Variants in PITPNM2 observed in about 807,000 individuals in gnomAD.
PITPNM2 encodes membrane-associated phosphatidylinositol transfer protein 2.
PITPNM2 carries 35 observed loss-of-function variants against 132.2 expected under a neutral mutation model. The ratio of observed to expected loss-of-function variants is 0.26; its 90% confidence interval spans 0.20 to 0.35. PITPNM2 has a LOEUF of 0.35. Ranked by LOEUF, PITPNM2 falls within the 10% of genes least tolerant of loss-of-function variation. The pLI, the probability that PITPNM2 is intolerant of heterozygous loss-of-function variation, is 1.00. For synonymous variants in PITPNM2, 738 were observed against 799.2 expected, an observed-to-expected ratio of 0.92 and a Z score of 1.29; for missense variants, 1,332 against 1,912.0, an observed-to-expected ratio of 0.70 and a Z score of 5.66.
In PITPNM2 at chr12:123,106,718, G is replaced by A. The variant is rs888478996; in HGVS notation, c.-96+3667C>T. The stretch of plus-strand genomic sequence containing the variant: ...ATCTCTACCAAGCTCTGTGGGGACA[G>A]CAAAGGAGCTGAGGAGGAGCTCTCT... On this transcript the variant is annotated intron_variant, in intron 2 of 25. Transcript: ENST00000320201. This position sits in a 1 kb window ranked among gnomAD's most constrained non-coding sequence, Gnocchi z 4.4. 2.6e-5 allele frequency among the ~76,000 whole-genome samples: 4 copies of A among 152,216 alleles called. No individual in the cohort carries two copies. The highest frequency in any genetic ancestry group is 9.6e-5 in the African/African-American group (4 of 41,458).
intron 2 of PITPNM2, among the ~76,000 whole-genome samples, chr12:123,040,759 TA>T (rs1431653094): frequency 2.0e-5 from 3 of 152,270 alleles, no homozygotes; most frequent in East Asian, 1.9e-4. Flanking sequence ...GATACTTTTT[TA>T]AAAAAAGATC....
At chr12:123,114,760 T>G (rs2042903605) in intron 1 of PITPNM2, among the ~76,000 whole-genome samples, 1 of 152,160 alleles carries the variant, frequency 6.6e-6, no homozygotes, top group Admixed American at 6.5e-5. Context: ...ATAGAATGGC[T>G]GAAGAGTCGA....
chr12:123,112,879 G>A (rs2042868648), intron 1 of PITPNM2, among the ~76,000 whole-genome samples: 1 of 152,098 alleles, frequency 6.6e-6, no homozygotes, highest in Non-Finnish European at 1.5e-5. Flanking sequence ...GAAAACTGCA[G>A]GGGAAAGAAA....
chr12:123,004,479 G>A lies in PITPNM2; in HGVS notation c.963C>T (p.Ser321=), dbSNP rs772942056. The A allele has an allele frequency of 3.7e-6, 6 of 1,613,650 alleles. No homozygotes were observed. Among genetic ancestry groups the A allele is most frequent in the Admixed American group, 1.7e-5 (1 of 59,998 alleles). The change falls in exon 8 of 26, where the codon TCC becomes TCT. Residue 321 remains serine, a synonymous_variant. Coordinates refer to ENST00000320201, the MANE Select transcript of PITPNM2 (RefSeq NM_020845.3). This position sits in a 1 kb window ranked among gnomAD's most constrained non-coding sequence, Gnocchi z 4.9. The part of the protein sequence containing the change: ...SRSSKRGASP[S]RHSISEWRMQ... ...TCCTCCACTCTGAGATGCTGTGGCG[G>A]GAAGGACTCGCTGGAAGGCAAAACC... is the stretch of plus-strand genomic sequence containing the variant.
chr12:123,017,272 C>G (rs111341493), intron 3 of PITPNM2, among the ~76,000 whole-genome samples: 1 of 149,536 alleles, frequency 6.7e-6, no homozygotes, highest in Non-Finnish European at 1.5e-5. Context: ...ATTTGGGAGG[C>G]TGAGGCAGGA....
Position 123,031,556 on chromosome 12 carries a change from C to T in PITPNM2, c.78+2957G>A, listed in dbSNP as rs933527724. On this transcript the variant is annotated intron_variant, in intron 3 of 25. Transcript: ENST00000320201. The surrounding 1 kb of genome is among the most constrained non-coding windows in gnomAD (Gnocchi z 4.5). ...GTCCTCAGGCCGGAGACAGCACACA[C>T]CAAGAACACAGAGGACACAGGTGCA... 6.6e-6 allele frequency among the ~76,000 whole-genome samples: 1 copy of T among 152,180 alleles called. No homozygotes were observed. The highest frequency in any genetic ancestry group is 1.9e-4 in the East Asian group (1 of 5,188).
rs1013382720 is a variant in PITPNM2 at position 123,079,572 on chromosome 12, C to T, written c.-96+30813G>A. 2.0e-5 allele frequency among the ~76,000 whole-genome samples: 3 copies of T among 152,060 alleles called. No homozygotes were observed. The South Asian group carries it at 6.2e-4, about 32-fold the overall frequency. ...ATGTTGGCCAGGCTGGTCTTGAACT[C>T]CTGACCTCAGGTGATCCACCCATCT... On this transcript the variant is annotated intron_variant, in intron 2 of 25. Transcript: ENST00000320201.
chr12:123,105,398 A>T (rs1051619110), intron 2 of PITPNM2: 8 of 152,208 alleles, frequency 5.3e-5, no homozygotes, highest in Admixed American at 5.2e-4. Flanking sequence ...CTGAGGGGTC[A>T]ATCGTGCTGC....
intron 2 of PITPNM2, among the ~76,000 whole-genome samples, chr12:123,105,983 G>C (rs967619760): frequency 6.6e-6 from 1 of 152,118 alleles, no homozygotes; most frequent in African/African-American, 2.4e-5. Context: ...TCCTGGCCCT[G>C]CCTGTCCTGA....
intron 3 of PITPNM2, chr12:123,034,241 G>C (rs2040194730): frequency 2.1e-6 from 1 of 466,230 alleles, no homozygotes; most frequent in Non-Finnish European, 3.8e-6. Context: ...GGGCCAGGGA[G>C]ATAATGGTGC....
intron 1 of PITPNM2, among the ~76,000 whole-genome samples, chr12:123,143,416 C>A (rs1374107083): frequency 6.6e-6 from 1 of 152,186 alleles, no homozygotes; most frequent in Non-Finnish European, 1.5e-5. Context: ...CAGGAGCCAC[C>A]TCTCAAAAGG....
intron 1 of PITPNM2, among the ~76,000 whole-genome samples, chr12:123,131,603 G>C (rs967202046): frequency 6.6e-6 from 1 of 152,230 alleles, no homozygotes; most frequent in Non-Finnish European, 1.5e-5. Flanking sequence ...CCAGGAGGCA[G>C]AGGGAGAGTC....
In PITPNM2 at chr12:123,064,834, G is replaced by A. The variant is rs933836231; in HGVS notation, c.-95-30149C>T. ...GTGACTAGCTCTGGGGCCAGACCAC[G>A]TTCACATTCAAGCCTTGTCTTTGAG... On this transcript the variant is annotated intron_variant, in intron 2 of 25. Transcript: ENST00000320201. This position sits in a 1 kb window ranked among gnomAD's most constrained non-coding sequence, Gnocchi z 4.0. Among the ~76,000 whole-genome samples the A allele has an allele frequency of 6.6e-6, 1 of 152,216 alleles. No individual in the cohort carries two copies. The highest frequency in any genetic ancestry group is 2.4e-5 in the African/African-American group (1 of 41,464).
chr12:122,988,154 C>A, intron 20 of PITPNM2, 80 bp downstream of exon 20: 1 of 1,268,092 alleles, frequency 7.9e-7, no homozygotes. Context: ...GGCTTCCCTG[C>A]AACTCAGTTT....
rs775633731 is a variant in PITPNM2, at chr12:123,004,855, G to A, written c.953-366C>T. On this transcript the variant is annotated intron_variant, in intron 7 of 25. Coordinates refer to ENST00000320201, the MANE Select transcript of PITPNM2 (RefSeq NM_020845.3). This position sits in a 1 kb window ranked among gnomAD's most constrained non-coding sequence, Gnocchi z 4.9. ...CCACAGCAGGGCCCAGGCGGGAGATGAGTGAGCCAGGCCTGCCTGCTGGAG... is the reference window on the plus strand; with the variant it reads ...CCACAGCAGGGCCCAGGCGGGAGATAAGTGAGCCAGGCCTGCCTGCTGGAG... 3.3e-5 allele frequency among the ~76,000 whole-genome samples: 5 copies of A among 151,970 alleles called. No homozygotes were observed. The highest frequency in any genetic ancestry group is 7.4e-5 in the Non-Finnish European group (5 of 67,950).
At chr12:123,124,656 G>A (rs1008826254) in intron 1 of PITPNM2, among the ~76,000 whole-genome samples, 6 of 152,094 alleles carry the variant, frequency 3.9e-5, no homozygotes, top group Admixed American at 3.9e-4. Flanking sequence ...GTGCCATGTT[G>A]GTGTGCTACA....
chr12:123,136,480 G>C (rs1434976005), intron 1 of PITPNM2, among the ~76,000 whole-genome samples: 2 of 151,980 alleles, frequency 1.3e-5, no homozygotes, highest in Non-Finnish European at 2.9e-5. Context: ...ATGTAATCTA[G>C]AACACAGCTC....
chr12:122,994,701 G>T lies in PITPNM2; in HGVS notation c.2233+100C>A. ...AAGACAGGAAGGAGGGCAGAAACAG[G>T]CCTGGGACGTGGCCATGATCTCATC... On this transcript the variant is annotated intron_variant, in intron 15 of 25. Coordinates refer to ENST00000320201, the MANE Select transcript of PITPNM2 (RefSeq NM_020845.3). This position sits in a 1 kb window ranked among gnomAD's most constrained non-coding sequence, Gnocchi z 5.4. The T allele has an allele frequency of 7.6e-7, 1 of 1,315,174 alleles. No homozygotes were observed. The highest frequency in any genetic ancestry group is 1.0e-6 in the Non-Finnish European group (1 of 983,790). 81.5% of individuals were successfully genotyped at this position (1,315,174 alleles called of 1,614,324 possible). A position where few individuals can be genotyped will look rare whatever the true frequency, so the allele number is the denominator to read the frequency against.
chr12:123,070,382 C>A (rs894363096), intron 2 of PITPNM2, among the ~76,000 whole-genome samples: 7 of 152,178 alleles, frequency 4.6e-5, no homozygotes, highest in Non-Finnish European at 2.9e-5. Context: ...ATCCAAGGGC[C>A]CCAGGACCGT....
Sources: gnomAD v4.1 joint callset for allele counts (sites outside exome capture counted in the v4.1 genomes callset) on GRCh38, gnomAD v4.1.1 for gene constraint, Gnocchi (gnomAD v3.1) non-coding constraint, MANE v1.5 for transcripts, NCBI Gene and HGNC (gene_info 2026-07-23, HGNC 2026-07-21) for gene names.